Variants in MAD1L1 observed in about 807,000 individuals in gnomAD.
MAD1L1 encodes mitotic arrest deficient 1 like 1.
In MAD1L1, 95 loss-of-function variants were observed where a neutral mutation model predicts 96.9. That is an observed-to-expected ratio of 0.98 (90% CI 0.83 to 1.16). MAD1L1 has a LOEUF of 1.16. Ranked by LOEUF, MAD1L1 falls within the 50% of genes most tolerant of loss-of-function variation. The pLI is 0.00. For synonymous variants in MAD1L1, 473 were observed against 396.6 expected (o/e 1.19, Z -2.29); for missense variants, 1,007 against 954.4 (o/e 1.06, Z -0.73).
chr7:2,221,834 G>C (rs566298886), intron 5 of MAD1L1, among the ~76,000 whole-genome samples: 1 of 152,188 alleles, frequency 6.6e-6, no homozygotes. Context: ...GAAGGCTACG[G>C]GGAAATTGGA....
chr7:1,888,521 TGC>T (rs988092058), intron 18 of MAD1L1, among the ~76,000 whole-genome samples: 28 of 141,508 alleles, frequency 2.0e-4, no homozygotes, highest in South Asian at 1.4e-3. Flanking sequence ...TGTGTGTGCA[TGC>T]GTGTGTGGTT....
At chr7:2,045,891 G>GC (rs932578329) in intron 12 of MAD1L1, among the ~76,000 whole-genome samples, 1 of 152,152 alleles carries the variant, frequency 6.6e-6, no homozygotes, top group Admixed American at 6.5e-5. Context: ...TCTGCCGAGG[G>GC]CCCCCCATGG....
intron 13 of MAD1L1, among the ~76,000 whole-genome samples, chr7:2,007,848 G>A (rs1372443112): frequency 1.3e-5 from 2 of 152,222 alleles, no homozygotes; most frequent in Non-Finnish European, 2.9e-5. Context: ...GTGAACAGAC[G>A]AGACCATTTT....
intron 15 of MAD1L1, among the ~76,000 whole-genome samples, chr7:1,976,401 T>C (rs1780640325): frequency 6.6e-6 from 1 of 152,224 alleles, no homozygotes; most frequent in Non-Finnish European, 1.5e-5. Context: ...CAGACCTTCA[T>C]GGTGAGTGTT....
chr7:1,929,007 G>GC (rs1461752837), intron 17 of MAD1L1, among the ~76,000 whole-genome samples: 1 of 152,188 alleles, frequency 6.6e-6, no homozygotes, highest in Non-Finnish European at 1.5e-5. Flanking sequence ...TGCACAGGAC[G>GC]CAACAGAAAG....
chr7:2,116,038 A>T (rs1787672390), intron 11 of MAD1L1, among the ~76,000 whole-genome samples: 1 of 152,046 alleles, frequency 6.6e-6, no homozygotes, highest in Non-Finnish European at 1.5e-5. Flanking sequence ...ACTTAACCAC[A>T]CTCCCTAACC....
At chr7:1,879,456 CAAAAA>C (rs58872674) in intron 18 of MAD1L1, among the ~76,000 whole-genome samples, 8 of 129,996 alleles carry the variant, frequency 6.2e-5, no homozygotes, top group South Asian at 2.5e-4. Flanking sequence ...ACTTCATCTC[CAAAAA>C]AAAAAAAAAA....
At position 2,088,588 on chromosome 7, in the gene MAD1L1, A is replaced by G. The variant is rs1786049718; in HGVS notation, c.1074-19250T>C. ...GCCGGGGAGATCAGGACGGTGTGGC[A>G]CAGCCTGGGGCACTCCCAGCACTCA... On this transcript the variant is annotated intron_variant, in intron 11 of 18. Transcript: ENST00000265854. This position sits in a 1 kb window ranked among gnomAD's most constrained non-coding sequence, Gnocchi z 4.4. 6.6e-6 allele frequency among the ~76,000 whole-genome samples: 1 copy of G among 152,196 alleles called. No individual in the cohort carries two copies. The highest frequency in any genetic ancestry group is 2.4e-5 in the African/African-American group (1 of 41,442).
At chr7:1,842,072 A>T (rs1387185959) in intron 18 of MAD1L1, among the ~76,000 whole-genome samples, 3 of 152,138 alleles carry the variant, frequency 2.0e-5, no homozygotes, top group African/African-American at 7.2e-5. Flanking sequence ...AGGGCTGAAA[A>T]TTTGATCATG....
intron 17 of MAD1L1, among the ~76,000 whole-genome samples, chr7:1,900,247 C>T (rs781514695): frequency 2.0e-5 from 3 of 152,206 alleles, no homozygotes; most frequent in Non-Finnish European, 2.9e-5. Flanking sequence ...AAAGCAAGGG[C>T]GCTGCCTGCC....
chr7:1,893,232 G>A (rs765026018), intron 18 of MAD1L1, among the ~76,000 whole-genome samples: 6 of 152,248 alleles, frequency 3.9e-5, no homozygotes, highest in Middle Eastern at 3.4e-3. Context: ...CCACCCACGC[G>A]GCAACAAGAG....
intron 18 of MAD1L1, among the ~76,000 whole-genome samples, chr7:1,888,700 C>T (rs966233064): frequency 8.1e-5 from 12 of 147,862 alleles, no homozygotes; most frequent in African/African-American, 1.8e-4. Context: ...GCGTGTGTGT[C>T]GTGTGTGGCT....
At chr7:2,069,384 C>A in intron 11 of MAD1L1, 46 bp from the exon 12 acceptor site, 1 of 1,483,848 alleles carries the variant, frequency 6.7e-7, no homozygotes. Context: ...CCTGGGGTGA[C>A]CACCCCACCA....
intron 17 of MAD1L1, among the ~76,000 whole-genome samples, chr7:1,918,022 T>C (rs1022471786): frequency 3.3e-5 from 5 of 152,074 alleles, no homozygotes; most frequent in Non-Finnish European, 7.4e-5. Flanking sequence ...GCTGTATCCC[T>C]ACAACCTGAA....
intron 16 of MAD1L1, among the ~76,000 whole-genome samples, chr7:1,949,049 G>A (rs1464430532): frequency 3.3e-5 from 5 of 152,028 alleles, no homozygotes. Flanking sequence ...GGGCTTCCCT[G>A]GACCTGTCAG....
At chr7:2,011,080 C>A (rs993970801) in intron 13 of MAD1L1, among the ~76,000 whole-genome samples, 2 of 152,118 alleles carry the variant, frequency 1.3e-5, no homozygotes, top group African/African-American at 4.8e-5. Context: ...TCGGGGGGAG[C>A]ACCTGGGCTC....
At chr7:2,110,076 G>A (rs768150233) in intron 11 of MAD1L1, among the ~76,000 whole-genome samples, 44 of 152,356 alleles carry the variant, frequency 2.9e-4, no homozygotes, top group Non-Finnish European at 5.3e-4. Flanking sequence ...TCAAAGCAGC[G>A]GGAAGTTCAG....
intron 13 of MAD1L1, among the ~76,000 whole-genome samples, chr7:2,003,570 C>T (rs959454100): frequency 1.3e-5 from 2 of 152,096 alleles, no homozygotes; most frequent in East Asian, 1.9e-4. Flanking sequence ...CAGGTGCTCC[C>T]GTGGAGGCTG....
chr7:1,921,981 C>T (rs1027858318), intron 17 of MAD1L1, among the ~76,000 whole-genome samples: 15 of 152,268 alleles, frequency 9.9e-5, no homozygotes, highest in Middle Eastern at 3.4e-3. Context: ...TTAAAAGCAA[C>T]GGAATTAACA....
Sources: allele counts gnomAD v4.1 joint callset (sites outside exome capture counted in the v4.1 genomes callset), GRCh38; gene constraint gnomAD v4.1.1; non-coding constraint Gnocchi (gnomAD v3.1); transcripts MANE v1.5; gene names NCBI Gene and HGNC (gene_info 2026-07-23, HGNC 2026-07-21).